Variants in SMOC1 observed in about 807,000 individuals in gnomAD.
SMOC1 encodes the protein SPARC-related modular calcium-binding protein 1.
Under a neutral mutation model 56.3 loss-of-function variants are expected in SMOC1, and 22 were observed. The ratio of observed to expected loss-of-function variants is 0.39; its 90% CI spans 0.28 to 0.56. The LOEUF is 0.56. Among genes scored for constraint, SMOC1 ranks in the 20% least tolerant of loss-of-function variants. The pLI, the probability that SMOC1 is intolerant of heterozygous loss-of-function variation, is 0.61. For missense variants in SMOC1, 509 were observed against 565.4 expected (o/e 0.90, Z 1.01); for synonymous variants, 193 against 215.0 (o/e 0.90, Z 0.89).
intron 1 of SMOC1, among the ~76,000 whole-genome samples, chr14:69,942,227 G>A (rs1340571999): frequency 6.6e-6 from 1 of 151,996 alleles, no homozygotes; most frequent in Non-Finnish European, 1.5e-5. Flanking sequence ...GCTTGTAGGG[G>A]CAGGGCCTGT....
At chr14:69,886,883 G>A (rs981564150) in intron 1 of SMOC1, among the ~76,000 whole-genome samples, 14 of 152,188 alleles carry the variant, frequency 9.2e-5, no homozygotes, top group African/African-American at 3.4e-4. Context: ...GACAGGAAGA[G>A]GAAACAATCA....
intron 11 of SMOC1, among the ~76,000 whole-genome samples, chr14:70,026,005 C>T (rs1484036182): frequency 1.3e-5 from 2 of 152,172 alleles, no homozygotes; most frequent in Admixed American, 6.5e-5. Flanking sequence ...TTTACTCTTC[C>T]GATTACCCCT....
chr14:70,018,760 C>G (rs1231931477), intron 10 of SMOC1, among the ~76,000 whole-genome samples: 3 of 152,246 alleles, frequency 2.0e-5, no homozygotes, highest in Admixed American at 6.5e-5. Context: ...CTTGGCCCTT[C>G]ACGTGGTCCC....
intron 2 of SMOC1, among the ~76,000 whole-genome samples, chr14:69,953,131 A>G (rs559157879): frequency 6.8e-6 from 1 of 147,164 alleles, no homozygotes; most frequent in African/African-American, 2.5e-5. Flanking sequence ...ACCCAGTGAA[A>G]AATCATGGAA....
intron 10 of SMOC1, among the ~76,000 whole-genome samples, chr14:70,018,531 T>C (rs1885600402): frequency 1.3e-5 from 2 of 152,096 alleles, no homozygotes; most frequent in African/African-American, 4.8e-5. Context: ...TCTGTGTGAG[T>C]GAGTTATCCC....
intron 7 of SMOC1, among the ~76,000 whole-genome samples, chr14:69,996,138 T>C (rs147963985): frequency 0.01 from 1,548 of 152,330 alleles, 13 homozygotes; most frequent in Middle Eastern, 0.034. Context: ...CCTTAACAAT[T>C]GTTTCCTTGA....
intron 1 of SMOC1, among the ~76,000 whole-genome samples, chr14:69,885,149 C>T (rs575149455): frequency 5.6e-4 from 85 of 152,178 alleles, no homozygotes; most frequent in African/African-American, 1.9e-3. Context: ...TTTCTTCTCT[C>T]ACCTCTTGAT....
chr14:69,885,941 C>A, intron 1 of SMOC1: 1 of 1,594,928 alleles, frequency 6.3e-7, no homozygotes, highest in South Asian at 1.1e-5. Context: ...GAGGATGGCT[C>A]TCTGCCGCTG....
intron 1 of SMOC1, among the ~76,000 whole-genome samples, chr14:69,913,835 A>G (rs539917206): frequency 6.6e-6 from 1 of 152,350 alleles, no homozygotes; most frequent in East Asian, 1.9e-4. Context: ...AGTCCTAGGA[A>G]TGACATGAGG....
intron 1 of SMOC1, among the ~76,000 whole-genome samples, chr14:69,916,902 C>T (rs1201851637): frequency 1.3e-5 from 2 of 152,156 alleles, no homozygotes; most frequent in African/African-American, 2.4e-5. Context: ...TTCATGAGAG[C>T]CAGAAGCCCA....
At chr14:69,934,013 C>T (rs1393331750) in intron 1 of SMOC1, among the ~76,000 whole-genome samples, 1 of 152,160 alleles carries the variant, frequency 6.6e-6, no homozygotes, top group Admixed American at 6.5e-5. Flanking sequence ...CAACCCACTC[C>T]TTTATTCTCA....
At chr14:69,959,463 A>G (rs1019839808) in intron 3 of SMOC1, among the ~76,000 whole-genome samples, 3 of 152,224 alleles carry the variant, frequency 2.0e-5, no homozygotes, top group African/African-American at 7.2e-5. Flanking sequence ...CTAATAATAT[A>G]GAATATAAAA....
At chr14:69,929,297 A>G (rs1025713855) in intron 1 of SMOC1, among the ~76,000 whole-genome samples, 2 of 152,182 alleles carry the variant, frequency 1.3e-5, no homozygotes, top group African/African-American at 2.4e-5. Context: ...CCTAATAAAC[A>G]TAGCTACCAT....
chr14:69,885,956 C>G lies in SMOC1; in HGVS notation c.99+6179C>G. 11 of 1,589,662 alleles carry G rather than the reference C, an allele frequency of 6.9e-6. No homozygotes were observed. The South Asian group carries it at 1.2e-4, about 18-fold the overall frequency. On this transcript the variant is annotated intron_variant, in intron 1 of 11. Coordinates refer to ENST00000361956, the MANE Select transcript of SMOC1 (RefSeq NM_001034852.3). ...GAGGATGGCTCTCTGCCGCTGCAAC[C>G]TGATATAGCGGGGCCATTTCACAAA...
chr14:69,903,689 A>C (rs1884327835), intron 1 of SMOC1, among the ~76,000 whole-genome samples: 1 of 152,162 alleles, frequency 6.6e-6, no homozygotes, highest in Admixed American at 6.5e-5. Context: ...TTTGTTAAAC[A>C]GATGCTTGAA....
intron 1 of SMOC1, among the ~76,000 whole-genome samples, chr14:69,936,666 A>G (rs1413399616): frequency 6.6e-6 from 1 of 152,030 alleles, no homozygotes; most frequent in Non-Finnish European, 1.5e-5. Flanking sequence ...CTTTGGGTGC[A>G]ACTTGGCTAA....
intron 3 of SMOC1, among the ~76,000 whole-genome samples, chr14:69,966,766 C>T (rs1243545825): frequency 1.3e-5 from 2 of 152,200 alleles, no homozygotes; most frequent in African/African-American, 4.8e-5. Flanking sequence ...CTTCCTATAA[C>T]TTCCAAGAGA....
intron 1 of SMOC1, among the ~76,000 whole-genome samples, chr14:69,923,166 C>T (rs1442151126): frequency 3.3e-5 from 5 of 151,842 alleles, no homozygotes; most frequent in Admixed American, 2.0e-4. Context: ...AGGATGGTCT[C>T]GATCTCCTGA....
intron 10 of SMOC1, among the ~76,000 whole-genome samples, chr14:70,019,940 C>G (rs1395900345): frequency 6.6e-6 from 1 of 152,190 alleles, no homozygotes; most frequent in Non-Finnish European, 1.5e-5. Context: ...AAGGCTGTTG[C>G]CAGGCCAGAA....
Sources: allele counts gnomAD v4.1 joint callset (sites outside exome capture counted in the v4.1 genomes callset), GRCh38; gene constraint gnomAD v4.1.1; transcripts MANE v1.5; gene names NCBI Gene and HGNC (gene_info 2026-07-23, HGNC 2026-07-21).